The following ATRNL1 variants were observed in gnomAD, a reference collection of about 807,000 sequenced individuals.
ATRNL1 encodes attractin-like protein 1.
A neutral mutation model predicts 182.7 loss-of-function variants in ATRNL1; 95 were observed. The observed-to-expected ratio is 0.52, with a 90% CI of 0.44 to 0.62. ATRNL1 has a LOEUF of 0.62. Among genes scored for constraint, ATRNL1 ranks in the 20% least tolerant of loss-of-function variants. The pLI is 0.00. For missense variants in ATRNL1, 1,471 were observed against 1,679.5 expected, an observed-to-expected ratio of 0.88 and a Z score of 2.17; for synonymous variants, 576 against 568.3, an observed-to-expected ratio of 1.01 and a Z score of -0.19.
At chr10:115,733,780 AATT>A (rs1171075361) in intron 27 of ATRNL1, among the ~76,000 whole-genome samples, 6 of 152,104 alleles carry the variant, frequency 3.9e-5, no homozygotes, top group Admixed American at 3.9e-4. Context: ...TGATATTTTT[AATT>A]ATTATCATTT....
intron 26 of ATRNL1, among the ~76,000 whole-genome samples, chr10:115,608,507 A>G (rs1202169668): frequency 2.0e-5 from 3 of 152,076 alleles, no homozygotes; most frequent in Admixed American, 6.6e-5. Flanking sequence ...TTATAACCCT[A>G]TATTATAATA....
chr10:115,650,815 T>C, intron 26 of ATRNL1, among the ~76,000 whole-genome samples: 1 of 152,202 alleles, frequency 6.6e-6, no homozygotes, highest in East Asian at 1.9e-4. Flanking sequence ...GTTTTTTATG[T>C]TTTATTTTTT....
intron 27 of ATRNL1, among the ~76,000 whole-genome samples, chr10:115,749,671 T>C (rs1948392406): frequency 6.6e-6 from 1 of 151,890 alleles, no homozygotes; most frequent in Non-Finnish European, 1.5e-5. Context: ...TTCATCTCAT[T>C]ATTTGCCAGG....
intron 26 of ATRNL1, among the ~76,000 whole-genome samples, chr10:115,692,631 AAAT>A (rs1946429191): frequency 2.0e-5 from 3 of 151,756 alleles, no homozygotes; most frequent in African/African-American, 7.2e-5. Flanking sequence ...ATAAATAATA[AAAT>A]AATTTTTAAA....
intron 19 of ATRNL1, among the ~76,000 whole-genome samples, chr10:115,364,772 GATA>G (rs1345790000): frequency 1.3e-5 from 2 of 151,872 alleles, no homozygotes; most frequent in Non-Finnish European, 2.9e-5. Context: ...CATCTATTGA[GATA>G]ATAATGTGGT....
At chr10:115,175,442 T>C (rs184993629) in intron 8 of ATRNL1, among the ~76,000 whole-genome samples, 74 of 152,196 alleles carry the variant, frequency 4.9e-4, no homozygotes, top group African/African-American at 1.5e-3. Flanking sequence ...TCTAAACATA[T>C]TTTTATATTG....
chr10:115,396,013 A>G (rs1308880622), intron 20 of ATRNL1, among the ~76,000 whole-genome samples: 2 of 151,810 alleles, frequency 1.3e-5, no homozygotes, highest in African/African-American at 2.4e-5. Flanking sequence ...ATAAAAATTT[A>G]TACCTAAAGT....
At position 115,325,860 on chromosome 10, in the gene ATRNL1, T is replaced by G. The variant is rs145985535; in HGVS notation, c.3038-8422T>G. 2.6e-3 allele frequency among the ~76,000 whole-genome samples: 397 copies of G among 152,270 alleles called. 2 individuals are homozygous for G. The highest frequency in any genetic ancestry group is 9.3e-3 in the African/African-American group (385 of 41,560). ...CTGTGAGGGAGATGTTAGATATGAG[T>G]GCTAAATTTAGCTGTCTTATTCAGA... On this transcript the variant is annotated intron_variant, in intron 18 of 28. Coordinates refer to ENST00000355044, the MANE Select transcript of ATRNL1 (RefSeq NM_207303.4).
At chr10:115,250,389 TG>T (rs1850824463) in intron 10 of ATRNL1, among the ~76,000 whole-genome samples, 1 of 152,220 alleles carries the variant, frequency 6.6e-6, no homozygotes, top group Non-Finnish European at 1.5e-5. Context: ...ATTCTTTCAC[TG>T]GGGCTTGCCA....
chr10:115,096,458 G>A (rs1403496112), intron 1 of ATRNL1, among the ~76,000 whole-genome samples: 2 of 152,168 alleles, frequency 1.3e-5, no homozygotes, highest in African/African-American at 4.8e-5. Context: ...GGCATTTGAA[G>A]TAATAACACA....
chr10:115,155,744 G>A (rs563657934), intron 5 of ATRNL1, among the ~76,000 whole-genome samples: 2 of 152,154 alleles, frequency 1.3e-5, no homozygotes, highest in African/African-American at 4.8e-5. Context: ...TTATTAGTAG[G>A]GGAATGATAG....
intron 26 of ATRNL1, among the ~76,000 whole-genome samples, chr10:115,625,449 T>C (rs1156834498): frequency 2.0e-5 from 3 of 152,182 alleles, no homozygotes; most frequent in Non-Finnish European, 4.4e-5. Flanking sequence ...TTGCTTGTAG[T>C]TTTATACCTT....
chr10:115,820,121 G>A (rs1950257968), intron 27 of ATRNL1: 1 of 152,062 alleles, frequency 6.6e-6, no homozygotes, highest in African/African-American at 2.4e-5. Context: ...CAAAGCATGA[G>A]TAGGACACAG....
chr10:115,681,581 T>A (rs1296656370), intron 26 of ATRNL1, among the ~76,000 whole-genome samples: 1 of 152,134 alleles, frequency 6.6e-6, no homozygotes, highest in Non-Finnish European at 1.5e-5. Context: ...TAGAAGGTTG[T>A]GTTTTTATTA....
At chr10:115,746,071 A>T (rs1281139678) in intron 27 of ATRNL1, among the ~76,000 whole-genome samples, 7 of 152,146 alleles carry the variant, frequency 4.6e-5, no homozygotes, top group Admixed American at 4.6e-4. Context: ...AACTTTTATA[A>T]GAAAAAACTG....
chr10:115,593,931 TATTTA>T (rs1217590473), intron 26 of ATRNL1, among the ~76,000 whole-genome samples: 9 of 152,226 alleles, frequency 5.9e-5, no homozygotes, highest in African/African-American at 2.2e-4. Flanking sequence ...ATATATACTT[TATTTA>T]ATCTATTTAA....
chr10:115,616,855 G>A (rs1407516109), intron 26 of ATRNL1, among the ~76,000 whole-genome samples: 2 of 152,236 alleles, frequency 1.3e-5, no homozygotes, highest in Non-Finnish European at 2.9e-5. Flanking sequence ...GGATGGCCAG[G>A]CAGAAGCTGG....
intron 27 of ATRNL1, among the ~76,000 whole-genome samples, chr10:115,793,214 C>T (rs1335681424): frequency 1.3e-5 from 2 of 152,020 alleles, no homozygotes; most frequent in African/African-American, 2.4e-5. Context: ...TAGTCATTAT[C>T]TGTGCCCTAC....
intron 12 of ATRNL1, among the ~76,000 whole-genome samples, chr10:115,267,450 A>C (rs1345223724): frequency 6.6e-6 from 1 of 151,840 alleles, no homozygotes; most frequent in South Asian, 2.1e-4. Context: ...ATCTGGTTTT[A>C]TATTTCTTAT....
Sources: gnomAD v4.1 joint callset for allele counts (sites outside exome capture counted in the v4.1 genomes callset) on GRCh38, gnomAD v4.1.1 for gene constraint, MANE v1.5 for transcripts, NCBI Gene and HGNC (gene_info 2026-07-23, HGNC 2026-07-21) for gene names.